ARHGEF9: variants seen among roughly 807,000 people sequenced by gnomAD.
ARHGEF9 encodes rho guanine nucleotide exchange factor 9.
Under a neutral mutation model 41.3 loss-of-function variants are expected in ARHGEF9, and 2 were observed. The ratio of observed to expected loss-of-function variants is 0.05; its 90% CI spans 0.02 to 0.15. The LOEUF is 0.15. Among genes scored for constraint, ARHGEF9 ranks in the 10% least tolerant of loss-of-function variants. The probability of loss-of-function intolerance (pLI) is 1.00; values close to 1 mark genes in which losing one functional copy is unlikely to be tolerated. For synonymous variants in ARHGEF9, 160 were observed against 154.4 expected (o/e 1.04, Z -0.27); for missense variants, 225 against 424.7 (o/e 0.53, Z 4.13).
intron 1 of ARHGEF9, chrX:63,767,188 C>A: frequency 2.8e-6 from 2 of 703,081 alleles, no homozygotes; most frequent in Non-Finnish European, 4.5e-6. Flanking sequence ...CAGCTTGGTG[C>A]AGTTTGGCTA....
At position 63,635,692 on chromosome X, in the gene ARHGEF9, A is replaced by G. The variant is rs2047284540; in HGVS notation, c.*2336T>C. The G allele has an allele frequency of 3.8e-6, 1 of 263,255 alleles. No individual in the cohort carries two copies. Among genetic ancestry groups the G allele is most frequent in the African/African-American group, 2.9e-5 (1 of 34,192 alleles). The allele number at this position is 263,255 out of a possible 1,213,427, so 21.7% of individuals were successfully genotyped here. A position where few individuals can be genotyped will look rare whatever the true frequency, so the allele number is the denominator to read the frequency against. On this transcript the variant is annotated 3_prime_UTR_variant, in exon 10 of 10. Coordinates refer to ENST00000671741, the MANE Select transcript of ARHGEF9 (RefSeq NM_001353921.2). Reference sequence around the variant, plus strand: ...TCCCTGATCCTGGAGCCCTGGGCAGAAGCCCCAAGGAGGGAGGAAATGAGA... The same window carrying G: ...TCCCTGATCCTGGAGCCCTGGGCAGGAGCCCCAAGGAGGGAGGAAATGAGA...
chrX:63,660,507 G>T (rs1556340325), intron 7 of ARHGEF9, among the ~76,000 whole-genome samples: 1 of 111,052 alleles, frequency 9.0e-6, no homozygotes, highest in Non-Finnish European at 1.9e-5. Context: ...ATTTACCTAC[G>T]TAACAAATTT....
chrX:63,646,705 C>T (rs1410250454), intron 8 of ARHGEF9, among the ~76,000 whole-genome samples: 27 of 112,001 alleles, frequency 2.4e-4, no homozygotes, highest in African/African-American at 6.8e-4. Flanking sequence ...ATTGACTTGG[C>T]AATGCGGGCT....
intron 3 of ARHGEF9, among the ~76,000 whole-genome samples, chrX:63,702,392 C>T (rs782590576): frequency 2.7e-5 from 3 of 112,259 alleles, no homozygotes; most frequent in Non-Finnish European, 5.6e-5. Flanking sequence ...TTTTATACCA[C>T]TGTCTGGGTT....
intron 2 of ARHGEF9, among the ~76,000 whole-genome samples, chrX:63,708,597 C>T (rs1212834341): frequency 8.9e-6 from 1 of 111,778 alleles, no homozygotes; most frequent in Non-Finnish European, 1.9e-5. Context: ...CTGGTTATAA[C>T]TAAAGGCCTG....
intron 1 of ARHGEF9, among the ~76,000 whole-genome samples, chrX:63,751,654 C>T (rs1468633774): frequency 8.9e-6 from 1 of 112,008 alleles, no homozygotes; most frequent in Non-Finnish European, 1.9e-5. Context: ...TTCAAGACAC[C>T]TCCTTAGCCT....
intron 4 of ARHGEF9, among the ~76,000 whole-genome samples, chrX:63,693,376 C>T (rs781820920): frequency 3.6e-5 from 4 of 110,530 alleles, no homozygotes; most frequent in Non-Finnish European, 7.6e-5. Flanking sequence ...ATTTGGGAGG[C>T]CAAGGTGGAT....
At chrX:63,669,391 T>C (rs184866291) in intron 6 of ARHGEF9, among the ~76,000 whole-genome samples, 1 of 112,010 alleles carries the variant, frequency 8.9e-6, no homozygotes, top group Admixed American at 9.5e-5. Flanking sequence ...TTGCCCAGCA[T>C]AGGGCCTGGC....
At chrX:63,679,973 T>C (rs1461324750) in intron 4 of ARHGEF9, among the ~76,000 whole-genome samples, 1 of 112,305 alleles carries the variant, frequency 8.9e-6, no homozygotes, top group African/African-American at 3.2e-5. Context: ...TGGAACCAAT[T>C]AGTGAATTTG....
At chrX:63,736,347 G>A (rs1336459947) in intron 1 of ARHGEF9, among the ~76,000 whole-genome samples, 1 of 110,777 alleles carries the variant, frequency 9.0e-6, no homozygotes, top group Non-Finnish European at 1.9e-5. Flanking sequence ...GAAAGTGGTG[G>A]GGGTAGAGAA....
At chrX:63,655,171 T>G (rs782793052) in intron 8 of ARHGEF9, among the ~76,000 whole-genome samples, 47 of 112,097 alleles carry the variant, frequency 4.2e-4, no homozygotes, top group African/African-American at 1.3e-3. Context: ...AGCTCAGGCT[T>G]TATGAAGATT....
intron 3 of ARHGEF9, among the ~76,000 whole-genome samples, chrX:63,699,278 A>G (rs1349730269): frequency 2.7e-5 from 3 of 111,734 alleles, no homozygotes; most frequent in African/African-American, 6.5e-5. Flanking sequence ...CATTCAACAT[A>G]TTACTTCTGG....
chrX:63,637,846 CTGTGTGTGTGTGTGTGTG>C lies in ARHGEF9; in HGVS notation c.*164_*181del. The C allele has an allele frequency of 3.2e-6, 1 of 313,586 alleles. No individual in the cohort carries two copies. The highest frequency in any genetic ancestry group is 1.0e-4 in the South Asian group (1 of 9,938). The allele number at this position is 313,586 out of a possible 1,213,427, so 25.8% of individuals were successfully genotyped here. Reference sequence around the variant, plus strand: ...GAAAACACTTTTGTTCCTTATCTCTCTGTGTGTGTGTGTGTGTGTGTGTGTGTGTGTGTGTCTGTGTGT... The same window carrying C: ...GAAAACACTTTTGTTCCTTATCTCTCTGTGTGTGTGTGTGTGTCTGTGTGT... On this transcript the variant is annotated 3_prime_UTR_variant, in exon 10 of 10. Transcript: ENST00000671741.
chrX:63,771,460 A>G (rs781885971), intron 1 of ARHGEF9, among the ~76,000 whole-genome samples: 5 of 112,174 alleles, frequency 4.5e-5, no homozygotes, highest in Admixed American at 9.4e-5. Flanking sequence ...ATTATTCTGC[A>G]TATTTCTGTC....
At chrX:63,641,372 AAG>A (rs1229849964) in intron 9 of ARHGEF9, 4 of 109,053 alleles carry the variant, frequency 3.7e-5, no homozygotes, top group African/African-American at 1.4e-4. Flanking sequence ...AAAAAAAAAA[AAG>A]AAAGAAAGAC....
At chrX:63,693,413 G>A (rs1414445755) in intron 4 of ARHGEF9, among the ~76,000 whole-genome samples, 1 of 109,857 alleles carries the variant, frequency 9.1e-6, no homozygotes, top group African/African-American at 3.3e-5. Flanking sequence ...AGTTCCAGAC[G>A]AGCCTAGCTA....
At chrX:63,766,433 T>G (rs1237738202) in intron 1 of ARHGEF9, among the ~76,000 whole-genome samples, 1 of 112,026 alleles carries the variant, frequency 8.9e-6, no homozygotes, top group Non-Finnish European at 1.9e-5. Context: ...GCATCTTACC[T>G]GGGCCAAAAG....
chrX:63,651,524 T>C (rs2048539853), intron 8 of ARHGEF9, among the ~76,000 whole-genome samples: 1 of 111,190 alleles, frequency 9.0e-6, no homozygotes, highest in Non-Finnish European at 1.9e-5. Flanking sequence ...CTATCCACCT[T>C]GAAGAAAAAA....
At chrX:63,719,936 C>T (rs1319126222) in intron 2 of ARHGEF9, 3 of 281,207 alleles carry the variant, frequency 1.1e-5, no homozygotes, top group Non-Finnish European at 1.9e-5. Flanking sequence ...ATAGCAAACA[C>T]ATGCAATAGC....
Sources: allele counts gnomAD v4.1 joint callset (sites outside exome capture counted in the v4.1 genomes callset), GRCh38; gene constraint gnomAD v4.1.1; transcripts MANE v1.5; gene names NCBI Gene and HGNC (gene_info 2026-07-23, HGNC 2026-07-21).